CTNNA3: variants seen among roughly 807,000 people sequenced by gnomAD.
CTNNA3 encodes the protein catenin alpha-3.
In CTNNA3, 76 loss-of-function variants were observed where a neutral mutation model predicts 95.7. The observed-to-expected ratio is 0.79, with a 90% confidence interval of 0.66 to 0.96. CTNNA3 has a LOEUF of 0.96. Among genes scored for constraint, CTNNA3 ranks in the 40% least tolerant of loss-of-function variants. The pLI is 0.00. For synonymous variants in CTNNA3, 431 were observed against 374.4 expected (o/e 1.15, Z -1.74); for missense variants, 1,191 against 1,089.8 (o/e 1.09, Z -1.31).
chr10:66,324,576 A>G (rs1255532564), intron 12 of CTNNA3, among the ~76,000 whole-genome samples: 2 of 152,134 alleles, frequency 1.3e-5, no homozygotes, highest in Non-Finnish European at 2.9e-5. Flanking sequence ...CCAGAGCCCA[A>G]AGCACTGGCC....
chr10:66,081,524 A>T (rs1478336941), intron 14 of CTNNA3, among the ~76,000 whole-genome samples: 3 of 152,148 alleles, frequency 2.0e-5, no homozygotes, highest in Non-Finnish European at 4.4e-5. Flanking sequence ...ACACAAAAAA[A>T]ACTTTCTATA....
chr10:66,656,105 A>G (rs1344699352), intron 9 of CTNNA3, among the ~76,000 whole-genome samples: 2 of 152,234 alleles, frequency 1.3e-5, no homozygotes, highest in East Asian at 3.9e-4. Flanking sequence ...CCACAGCACA[A>G]AGAAGTTGAG....
At chr10:66,626,779 A>C (rs142471522) in intron 9 of CTNNA3, among the ~76,000 whole-genome samples, 1 of 152,154 alleles carries the variant, frequency 6.6e-6, no homozygotes, top group Non-Finnish European at 1.5e-5. Context: ...TAAAAAGAAA[A>C]GTCCAATTCC....
chr10:66,456,832 G>C (rs1401672643), intron 11 of CTNNA3, among the ~76,000 whole-genome samples: 2 of 152,152 alleles, frequency 1.3e-5, no homozygotes, highest in Non-Finnish European at 2.9e-5. Flanking sequence ...GGTGGCTCAT[G>C]TCTGTAATCC....
At chr10:66,733,760 G>T (rs1446434167) in intron 9 of CTNNA3, among the ~76,000 whole-genome samples, 1 of 151,596 alleles carries the variant, frequency 6.6e-6, no homozygotes, top group Non-Finnish European at 1.5e-5. Flanking sequence ...GGTGATTTGT[G>T]AAAAGCTTCT....
chr10:66,439,448 G>A (rs145533479), intron 11 of CTNNA3, among the ~76,000 whole-genome samples: 51 of 152,224 alleles, frequency 3.4e-4, no homozygotes, highest in African/African-American at 1.2e-3. Flanking sequence ...GTTGTTACCT[G>A]AGGATTATGA....
intron 5 of CTNNA3, among the ~76,000 whole-genome samples, chr10:67,313,491 A>G (rs944302295): frequency 6.6e-6 from 1 of 152,156 alleles, no homozygotes; most frequent in Non-Finnish European, 1.5e-5. Context: ...AAAGTTGGGC[A>G]AATCACTGAA....
intron 9 of CTNNA3, among the ~76,000 whole-genome samples, chr10:66,761,780 A>G (rs1839611158): frequency 6.6e-6 from 1 of 152,154 alleles, no homozygotes; most frequent in African/African-American, 2.4e-5. Flanking sequence ...GAATTGTCAG[A>G]AACTTTTTAT....
chr10:67,181,642 G>T lies in CTNNA3; in HGVS notation c.844-1122C>A, dbSNP rs563705403. Among the ~76,000 whole-genome samples, 65 of 152,046 alleles carry T rather than the reference G, an allele frequency of 4.3e-4. No individual in the cohort carries two copies. The South Asian group carries it at 0.013, about 31-fold the overall frequency. The stretch of plus-strand genomic sequence containing the variant: ...TATGTATATGTATTTTATATAGGTA[G>T]AGGTGTTTAAGTATGTAAATAAGTA... On this transcript the variant is annotated intron_variant, in intron 6 of 17. Coordinates refer to ENST00000433211, the MANE Select transcript of CTNNA3 (RefSeq NM_013266.4).
chr10:67,751,070 G>A, intron 1 of CTNNA3: 1 of 1,466,678 alleles, frequency 6.8e-7, no homozygotes, highest in Non-Finnish European at 9.6e-7. Context: ...TGATCCCCAA[G>A]TCTGTGACAC....
At chr10:66,713,905 T>C (rs1319079768) in intron 9 of CTNNA3, among the ~76,000 whole-genome samples, 2 of 152,086 alleles carry the variant, frequency 1.3e-5, no homozygotes, top group Non-Finnish European at 2.9e-5. Context: ...TGAACATGCA[T>C]CCTGCTGCCT....
rs571125806 is a variant in CTNNA3 at position 67,429,684 on chromosome 10, G to A, written c.579+92158C>T. Among the ~76,000 whole-genome samples, 3 of 152,078 alleles carry A rather than the reference G, an allele frequency of 2.0e-5. No individual in the cohort carries two copies. The South Asian group carries it at 6.2e-4, about 32-fold the overall frequency. The stretch of plus-strand genomic sequence containing the variant: ...ATCCCTTATTTTTGCCTGATCAATT[G>A]TGTAGGTTTTTTTCTACATGTCGAG... On this transcript the variant is annotated intron_variant, in intron 5 of 17. Transcript: ENST00000433211.
At chr10:67,305,777 G>T (rs760452280) in intron 5 of CTNNA3, among the ~76,000 whole-genome samples, 10 of 152,232 alleles carry the variant, frequency 6.6e-5, no homozygotes, top group African/African-American at 1.9e-4. Context: ...AATAGGACCT[G>T]GTGACTATCT....
intron 13 of CTNNA3, among the ~76,000 whole-genome samples, chr10:66,207,355 T>C (rs1415541217): frequency 6.6e-6 from 1 of 151,972 alleles, no homozygotes; most frequent in East Asian, 1.9e-4. Flanking sequence ...ATATTTACTG[T>C]ATGGGATTGG....
chr10:67,498,903 C>T (rs918366527), intron 5 of CTNNA3, among the ~76,000 whole-genome samples: 6 of 152,168 alleles, frequency 3.9e-5, no homozygotes, highest in Admixed American at 1.3e-4. Flanking sequence ...GACTTCCTCT[C>T]TTCCTATTTG....
At chr10:66,016,383 G>C (rs936283268) in intron 15 of CTNNA3, among the ~76,000 whole-genome samples, 2 of 110,922 alleles carry the variant, frequency 1.8e-5, no homozygotes, top group African/African-American at 2.8e-5. Flanking sequence ...AGGGAAGAAA[G>C]ACGATTCTTC....
intron 10 of CTNNA3, among the ~76,000 whole-genome samples, chr10:66,579,758 T>A (rs1216488708): frequency 6.6e-6 from 1 of 151,772 alleles, no homozygotes; most frequent in Admixed American, 6.6e-5. Context: ...GGATATAGGA[T>A]CCTGAGTTGA....
At chr10:67,505,004 T>C (rs1465127361) in intron 5 of CTNNA3, among the ~76,000 whole-genome samples, 1 of 152,246 alleles carries the variant, frequency 6.6e-6, no homozygotes, top group Non-Finnish European at 1.5e-5. Flanking sequence ...TATAGATGTA[T>C]GTTTATATTA....
intron 5 of CTNNA3, among the ~76,000 whole-genome samples, chr10:67,373,240 C>G (rs1387650424): frequency 3.9e-5 from 6 of 152,038 alleles, no homozygotes; most frequent in Non-Finnish European, 8.8e-5. Context: ...ATCTCACATG[C>G]AGAGACATGC....
Sources: gnomAD v4.1 joint callset for allele counts (sites outside exome capture counted in the v4.1 genomes callset) on GRCh38, gnomAD v4.1.1 for gene constraint, MANE v1.5 for transcripts, NCBI Gene and HGNC (gene_info 2026-07-23, HGNC 2026-07-21) for gene names.